Variants in DLG2 observed in about 807,000 individuals in gnomAD.
DLG2 encodes the protein disks large homolog 2.
DLG2 carries 45 observed loss-of-function variants against 132.5 expected under a neutral mutation model. The observed-to-expected ratio is 0.34, with a 90% CI of 0.27 to 0.44. The LOEUF (loss-of-function observed/expected upper bound fraction) is 0.44. DLG2 is among the 20% of genes least tolerant of loss of function. DLG2 has a pLI of 1.00. For synonymous variants in DLG2, 424 were observed against 419.6 expected (o/e 1.01, Z -0.13); for missense variants, 1,045 against 1,196.9 (o/e 0.87, Z 1.87).
chr11:85,014,810 C>A (rs1246529441), intron 6 of DLG2, among the ~76,000 whole-genome samples: 1 of 152,114 alleles, frequency 6.6e-6, no homozygotes, highest in Admixed American at 6.5e-5. Flanking sequence ...GTCTTGGGCA[C>A]CTTATGCCTC....
intron 6 of DLG2, among the ~76,000 whole-genome samples, chr11:85,015,216 A>G (rs953024484): frequency 6.6e-5 from 10 of 152,146 alleles, no homozygotes; most frequent in African/African-American, 2.4e-4. Context: ...GTCTTTGGAA[A>G]ATTCTTAATC....
At chr11:84,821,810 G>T (rs959716259) in intron 6 of DLG2, among the ~76,000 whole-genome samples, 2 of 151,674 alleles carry the variant, frequency 1.3e-5, no homozygotes, top group Non-Finnish European at 2.9e-5. Flanking sequence ...TAAATGATTT[G>T]TCTTACTGAA....
rs773123028 is a variant in DLG2 at position 83,962,997 on chromosome 11, G to C, written c.1228C>G (p.Leu410Val). The change falls in exon 14 of 28, where the codon CTA becomes GTA. Residue 410 changes from leucine to valine, a missense_variant. This residue lies in a region of DLG2 where 261 missense variants were observed against 256.1 expected (regional missense o/e 1.02). Coordinates refer to ENST00000376104, the MANE Select transcript of DLG2 (RefSeq NM_001142699.3). ...HSYSPPMENH[L>V]LSGNNGTLEY... ...AAAGTGCCATTGTTGCCAGAGAGTA[G>C]ATGGTTTTCCATTGGTGGAGAATAA... 5 of 1,612,984 alleles carry C rather than the reference G, an allele frequency of 3.1e-6. No homozygotes were observed. In the South Asian group the frequency reaches 5.5e-5, roughly 18 times the overall value.
At chr11:84,669,624 C>A (rs909476625) in intron 6 of DLG2, among the ~76,000 whole-genome samples, 3 of 152,130 alleles carry the variant, frequency 2.0e-5, no homozygotes, top group Admixed American at 2.0e-4. Context: ...AAAGATTCAC[C>A]AAACCCCTTT....
At chr11:84,117,054 C>T (rs938977396) in intron 9 of DLG2, among the ~76,000 whole-genome samples, 11 of 152,160 alleles carry the variant, frequency 7.2e-5, no homozygotes, top group Non-Finnish European at 1.0e-4. Context: ...CAGACTTTCC[C>T]TCACCTCTTA....
intron 6 of DLG2, among the ~76,000 whole-genome samples, chr11:84,768,684 C>T (rs1045233561): frequency 9.2e-5 from 14 of 151,838 alleles, no homozygotes; most frequent in African/African-American, 3.4e-4. Flanking sequence ...ATCTATAAAC[C>T]CTAGGACAAA....
chr11:84,856,654 G>A (rs988545473), intron 6 of DLG2, among the ~76,000 whole-genome samples: 2 of 151,852 alleles, frequency 1.3e-5, no homozygotes, highest in Non-Finnish European at 2.9e-5. Flanking sequence ...TTCCATGCTT[G>A]TCAGTCTGTA....
intron 6 of DLG2, among the ~76,000 whole-genome samples, chr11:84,910,632 G>T (rs1034957000): frequency 2.6e-5 from 4 of 152,172 alleles, no homozygotes; most frequent in African/African-American, 9.7e-5. Context: ...ATAGAATTTG[G>T]CCAGGTGCAG....
At chr11:83,611,520 T>C (rs2060112518) in intron 19 of DLG2, among the ~76,000 whole-genome samples, 1 of 152,248 alleles carries the variant, frequency 6.6e-6, no homozygotes, top group South Asian at 2.1e-4. Flanking sequence ...ACTCCAGGCA[T>C]TATTTACATA....
At chr11:84,331,455 A>T (rs968609486) in intron 7 of DLG2, among the ~76,000 whole-genome samples, 37 of 139,892 alleles carry the variant, frequency 2.6e-4, no homozygotes, top group South Asian at 6.6e-4. Context: ...AAAAAAAAAA[A>T]AAAAAATAAA....
In DLG2 at chr11:83,928,889, A is replaced by C. The variant is rs141465204; in HGVS notation, c.1496+1439T>G. ...AGCTGACTATAGGTACATAATTACT[A>C]GCAAGTCATTACAGGTATGTGGCTC... On this transcript the variant is annotated intron_variant, in intron 15 of 27. Coordinates refer to ENST00000376104, the MANE Select transcript of DLG2 (RefSeq NM_001142699.3). Among the ~76,000 whole-genome samples the C allele has an allele frequency of 7.3e-3, 1,114 of 152,326 alleles. 9 individuals carry two copies. Among genetic ancestry groups the C allele is most frequent in the Non-Finnish European group, 0.012 (837 of 68,012 alleles).
intron 7 of DLG2, among the ~76,000 whole-genome samples, chr11:84,476,065 AAAT>A (rs2154491980): frequency 6.6e-6 from 1 of 152,252 alleles, no homozygotes; most frequent in East Asian, 1.9e-4. Flanking sequence ...AAATAACAAG[AAAT>A]AATAAGATAA....
chr11:85,136,609 G>A (rs2076160333), intron 5 of DLG2, among the ~76,000 whole-genome samples: 1 of 152,094 alleles, frequency 6.6e-6, no homozygotes. Context: ...TCTAAAACTA[G>A]AAATATATTG....
chr11:83,843,622 A>C lies in DLG2; in HGVS notation c.1566-9852T>G, dbSNP rs534277134. ...ATATTGTTTCATGAACGGAAAAAAAAGTGAGTGGTTGGGAAAAATGATACT... is the reference window on the plus strand; with the variant it reads ...ATATTGTTTCATGAACGGAAAAAAACGTGAGTGGTTGGGAAAAATGATACT... On this transcript the variant is annotated intron_variant, in intron 16 of 27. Transcript: ENST00000376104. 3.8e-3 allele frequency among the ~76,000 whole-genome samples: 583 copies of C among 151,596 alleles called. 5 individuals are homozygous for C. The highest frequency in any genetic ancestry group is 0.01 in the Middle Eastern group (3 of 294).
intron 4 of DLG2, among the ~76,000 whole-genome samples, chr11:85,257,286 G>A (rs1000990989): frequency 6.6e-6 from 1 of 152,048 alleles, no homozygotes; most frequent in Non-Finnish European, 1.5e-5. Context: ...ACCTCTGAGG[G>A]GTAATATTTC....
intron 6 of DLG2, among the ~76,000 whole-genome samples, chr11:84,964,539 A>G (rs2053052222): frequency 6.6e-6 from 1 of 152,170 alleles, no homozygotes; most frequent in Non-Finnish European, 1.5e-5. Context: ...TGAAGATCCT[A>G]TAATATTGTT....
chr11:83,864,268 A>G (rs2061922200), intron 16 of DLG2, among the ~76,000 whole-genome samples: 1 of 152,208 alleles, frequency 6.6e-6, no homozygotes, highest in Non-Finnish European at 1.5e-5. Flanking sequence ...TTACAAAGAT[A>G]TAATCACACT....
intron 3 of DLG2, among the ~76,000 whole-genome samples, chr11:85,552,108 A>G (rs1293230272): frequency 6.6e-6 from 1 of 150,878 alleles, no homozygotes; most frequent in Non-Finnish European, 1.5e-5. Context: ...AAAAAAAAAA[A>G]AAAAAGGCTT....
intron 6 of DLG2, among the ~76,000 whole-genome samples, chr11:84,722,597 T>A (rs910555457): frequency 6.6e-6 from 1 of 152,188 alleles, no homozygotes; most frequent in Non-Finnish European, 1.5e-5. Context: ...ACCCTACATT[T>A]TCATCCCATA....
Sources: allele counts gnomAD v4.1 joint callset (sites outside exome capture counted in the v4.1 genomes callset), GRCh38; gene constraint gnomAD v4.1.1; regional missense constraint gnomAD v4.1.1; transcripts MANE v1.5; gene names NCBI Gene and HGNC (gene_info 2026-07-23, HGNC 2026-07-21).